GPHN: variants seen among roughly 807,000 people sequenced by gnomAD.
GPHN encodes the protein gephyrin.
Under a neutral mutation model 95.5 loss-of-function variants are expected in GPHN, and 17 were observed. The ratio of observed to expected loss-of-function variants is 0.18; its 90% CI spans 0.12 to 0.27. The LOEUF (loss-of-function observed/expected upper bound fraction) is 0.27, where lower values mean the gene tolerates loss of function less well. Among genes scored for constraint, GPHN ranks in the 10% least tolerant of loss-of-function variants. The pLI is 1.00. For missense variants in GPHN, 660 were observed against 978.1 expected (o/e 0.67, Z 4.34); for synonymous variants, 320 against 322.5 (o/e 0.99, Z 0.08).
intron 2 of GPHN, among the ~76,000 whole-genome samples, chr14:66,754,397 T>C (rs2058486403): frequency 6.6e-6 from 1 of 152,082 alleles, no homozygotes; most frequent in South Asian, 2.1e-4. Flanking sequence ...GACTTTCATA[T>C]CATAATACAG....
intron 5 of GPHN, among the ~76,000 whole-genome samples, chr14:66,889,999 T>C (rs1412383212): frequency 6.6e-6 from 1 of 152,024 alleles, no homozygotes; most frequent in Non-Finnish European, 1.5e-5. Flanking sequence ...TGCCAACAAG[T>C]TGAATAACCC....
intron 1 of GPHN, among the ~76,000 whole-genome samples, chr14:66,616,207 T>C (rs2063020074): frequency 8.1e-6 from 1 of 123,540 alleles, no homozygotes; most frequent in African/African-American, 4.2e-5. Context: ...TGATTCCATA[T>C]GAAATTTAAA....
At chr14:66,564,829 T>C (rs1290728247) in intron 1 of GPHN, among the ~76,000 whole-genome samples, 1 of 152,162 alleles carries the variant, frequency 6.6e-6, no homozygotes, top group African/African-American at 2.4e-5. Flanking sequence ...CAGTGTGTCA[T>C]ACACACCCTA....
chr14:67,474,259 A>C, the GPHN span, among the ~76,000 whole-genome samples: 1 of 109,344 alleles, frequency 9.1e-6, no homozygotes, highest in Non-Finnish European at 1.9e-5. Context: ...CTCCAAAAAA[A>C]CAAAACAAAA....
At chr14:67,638,278 C>T in the GPHN span, among the ~76,000 whole-genome samples, 45 of 152,002 alleles carry the variant, frequency 3.0e-4, no homozygotes, top group African/African-American at 1.1e-3. Context: ...AATCCTAGCA[C>T]TTTAGAAGGC....
chr14:67,333,788 C>T, the GPHN span: 1 of 151,224 alleles, frequency 6.6e-6, no homozygotes, highest in Non-Finnish European at 1.5e-5. Context: ...TTATGAATGG[C>T]AGGTGTTCAT....
intron 8 of GPHN, among the ~76,000 whole-genome samples, chr14:66,943,731 G>A (rs951270459): frequency 2.0e-4 from 31 of 152,018 alleles, no homozygotes; most frequent in African/African-American, 6.8e-4. Flanking sequence ...CTTTTTATAG[G>A]CATCACACAC....
chr14:67,062,809 T>A (rs1437908539), intron 11 of GPHN, among the ~76,000 whole-genome samples: 1 of 152,202 alleles, frequency 6.6e-6, no homozygotes, highest in African/African-American at 2.4e-5. Context: ...TTTAGTAGAT[T>A]CTGGATATTA....
the GPHN span, among the ~76,000 whole-genome samples, chr14:67,301,170 G>GT: frequency 6.6e-6 from 1 of 151,994 alleles, no homozygotes; most frequent in Non-Finnish European, 1.5e-5. Flanking sequence ...GTCTATAGGC[G>GT]TAAGTACCAA....
chr14:67,716,818 A>T, the GPHN span, among the ~76,000 whole-genome samples: 8 of 150,686 alleles, frequency 5.3e-5, no homozygotes, highest in African/African-American at 2.0e-4. Context: ...CGGGAGGTGG[A>T]GTTTGCAGTG....
chr14:66,733,113 G>T (rs918043818), intron 2 of GPHN, among the ~76,000 whole-genome samples: 1 of 152,090 alleles, frequency 6.6e-6, no homozygotes, highest in Admixed American at 6.5e-5. Context: ...GATCATGGGG[G>T]CAGTTTTCCT....
At chr14:66,921,931 G>A (rs1221121775) in intron 6 of GPHN, among the ~76,000 whole-genome samples, 2 of 152,010 alleles carry the variant, frequency 1.3e-5, no homozygotes, top group African/African-American at 4.8e-5. Context: ...ACTGATCTTC[G>A]ACAAAGCAAA....
At chr14:66,657,913 A>G (rs1322628515) in intron 1 of GPHN, among the ~76,000 whole-genome samples, 1 of 152,136 alleles carries the variant, frequency 6.6e-6, no homozygotes, top group African/African-American at 2.4e-5. Context: ...TTCAAGTCTT[A>G]TTATTTAAGA....
At position 66,587,141 on chromosome 14, in the gene GPHN, T is replaced by C. The variant is rs1200598256; in HGVS notation, c.64+78550T>C. Among the ~76,000 whole-genome samples the C allele has an allele frequency of 2.0e-5, 3 of 152,108 alleles. No homozygotes were observed. In the East Asian group the frequency reaches 5.8e-4, roughly 29 times the overall value. On this transcript the variant is annotated intron_variant, in intron 1 of 22. Transcript: ENST00000478722. Reference sequence around the variant, plus strand: ...AACAAATTACATAACCTAAAACACATGGATGAGATCCTGGAAATGTACAAC... The same window carrying C: ...AACAAATTACATAACCTAAAACACACGGATGAGATCCTGGAAATGTACAAC...
At chr14:67,502,962 G>A in the GPHN span, among the ~76,000 whole-genome samples, 1 of 152,086 alleles carries the variant, frequency 6.6e-6, no homozygotes, top group African/African-American at 2.4e-5. Context: ...AAACAACCAT[G>A]GAATATTAAA....
At chr14:66,645,736 A>T (rs908675261) in intron 1 of GPHN, among the ~76,000 whole-genome samples, 50 of 151,268 alleles carry the variant, frequency 3.3e-4, no homozygotes, top group Non-Finnish European at 6.9e-4. Context: ...ATTTAAACTG[A>T]TTTTATATGC....
chr14:66,892,386 G>T (rs1333979450), intron 5 of GPHN, among the ~76,000 whole-genome samples: 1 of 152,166 alleles, frequency 6.6e-6, no homozygotes, highest in African/African-American at 2.4e-5. Context: ...TCATGCCACT[G>T]CATTCCAGTC....
intron 12 of GPHN, among the ~76,000 whole-genome samples, chr14:67,093,256 A>C (rs1484232550): frequency 3.3e-5 from 5 of 152,136 alleles, no homozygotes; most frequent in African/African-American, 1.2e-4. Flanking sequence ...ATGAAAAAGA[A>C]CATTTTAAAA....
At chr14:67,109,481 A>C (rs1489662819) in intron 13 of GPHN, among the ~76,000 whole-genome samples, 1 of 152,216 alleles carries the variant, frequency 6.6e-6, no homozygotes, top group Non-Finnish European at 1.5e-5. Flanking sequence ...CATCAATATG[A>C]GAGCACAAAC....
Sources: allele counts gnomAD v4.1 joint callset (sites outside exome capture counted in the v4.1 genomes callset), GRCh38; gene constraint gnomAD v4.1.1; transcripts MANE v1.5; gene names NCBI Gene and HGNC (gene_info 2026-07-23, HGNC 2026-07-21).